Variants in PRPF4 observed in about 807,000 individuals in gnomAD.
PRPF4 encodes U4/U6 small nuclear ribonucleoprotein Prp4.
Under a neutral mutation model 72.2 loss-of-function variants are expected in PRPF4, and 14 were observed. That is an observed-to-expected ratio of 0.19 (90% confidence interval 0.13 to 0.30). PRPF4 has a LOEUF of 0.30. PRPF4 is among the 10% of genes least tolerant of loss of function. The pLI is 1.00. For synonymous variants in PRPF4, 225 were observed against 232.2 expected, an observed-to-expected ratio of 0.97 and a Z score of 0.28; for missense variants, 478 against 653.9, an observed-to-expected ratio of 0.73 and a Z score of 2.93.
chr9:113,283,540 T>C, intron 6 of PRPF4, 58 bp downstream of exon 6: 10 of 1,586,954 alleles, frequency 6.3e-6, no homozygotes, highest in Non-Finnish European at 8.6e-6. Context: ...TTATTTGATT[T>C]TTCTACTTTG....
At chr9:113,289,262 C>T (rs564567874) in intron 10 of PRPF4, among the ~76,000 whole-genome samples, 1 of 152,288 alleles carries the variant, frequency 6.6e-6, no homozygotes, top group African/African-American at 2.4e-5. Flanking sequence ...TGTTGATGGA[C>T]ACTTGGGCTG....
rs1246027005 is a variant in PRPF4, at chr9:113,286,747, C to G, written c.851C>G (p.Ser284Cys). Residue 284 changes from serine to cysteine, a missense_variant, in exon 9 of 14, where the codon TCC becomes TGC. Transcript: ENST00000374198. The stretch of plus-strand genomic sequence containing the variant: ...GGAGCAATTGTATTCCATCCCAAAT[C>G]CACTGTCTCCTTGGACCCAAAAGAT... ...NVGAIVFHPK[S>C]TVSLDPKDVN... 1 of 1,614,040 alleles carries G rather than the reference C, an allele frequency of 6.2e-7. No homozygotes were observed. Among genetic ancestry groups the G allele is most frequent in the Non-Finnish European group, 8.5e-7 (1 of 1,180,026 alleles).
At chr9:113,284,108 G>A (rs1302117210) in intron 6 of PRPF4, among the ~76,000 whole-genome samples, 187 bp from the exon 7 acceptor site, 1 of 151,184 alleles carries the variant, frequency 6.6e-6, no homozygotes, top group African/African-American at 2.4e-5. Flanking sequence ...ACAGCATGCT[G>A]GAGTTTCATA....
chr9:113,291,321 C>T, intron 13 of PRPF4, 146 bp from the exon 14 acceptor site: 2 of 800,930 alleles, frequency 2.5e-6, no homozygotes, highest in East Asian at 2.7e-5. Flanking sequence ...AGGGAATGAG[C>T]CAAAAGACCT....
intron 6 of PRPF4, 105 bp downstream of exon 6, chr9:113,283,587 T>A: frequency 1.8e-6 from 2 of 1,106,234 alleles, no homozygotes; most frequent in Non-Finnish European, 2.6e-6. Flanking sequence ...CTAGAGTGAT[T>A]CCTCCCTGCT....
chr9:113,275,720 G>C lies in PRPF4; in HGVS notation c.-24G>C. 1 of 1,608,368 alleles carries C rather than the reference G, an allele frequency of 6.2e-7. No homozygotes were observed. Among genetic ancestry groups the C allele is most frequent in the Non-Finnish European group, 8.5e-7 (1 of 1,177,292 alleles). On this transcript the variant is annotated 5_prime_UTR_variant, in exon 1 of 14. Transcript: ENST00000374198. ...AAAGGGAGTGTTCGGGTTTCGCTGG[G>C]GCCTCGCGGCTCCAGAGCCCAGCAT... is the stretch of plus-strand genomic sequence containing the variant.
chr9:113,288,891 C>T (rs1303635673), intron 10 of PRPF4, among the ~76,000 whole-genome samples: 1 of 152,130 alleles, frequency 6.6e-6, no homozygotes, highest in Non-Finnish European at 1.5e-5. Context: ...AGAACTTTTC[C>T]ATTAAGTTAT....
intron 9 of PRPF4, among the ~76,000 whole-genome samples, chr9:113,287,864 A>G (rs1368537577): frequency 6.6e-6 from 1 of 152,236 alleles, no homozygotes; most frequent in East Asian, 1.9e-4. Flanking sequence ...ATCTCTATTT[A>G]GGAGTTCCTT....
intron 1 of PRPF4, 133 bp from the exon 2 acceptor site, chr9:113,276,415 G>A: frequency 4.3e-6 from 4 of 937,742 alleles, no homozygotes; most frequent in Non-Finnish European, 6.7e-6. Flanking sequence ...AGCGTCTTAA[G>A]TAGTGTCCAA....
intron 3 of PRPF4, among the ~76,000 whole-genome samples, chr9:113,280,307 C>G (rs1224751372): frequency 6.6e-6 from 1 of 152,118 alleles, no homozygotes. Context: ...TACAGGCTGC[C>G]TTTTTCTCTA....
intron 9 of PRPF4, 47 bp downstream of exon 9, chr9:113,286,875 TG>T: frequency 6.2e-7 from 1 of 1,612,718 alleles, no homozygotes; most frequent in Non-Finnish European, 8.5e-7. Flanking sequence ...CTAAAGTAGA[TG>T]TTTGATTGGT....
Position 113,291,039 on chromosome 9 carries a change from G to T in PRPF4, c.1372+23G>T, listed in dbSNP as rs370494710. ...AGCGTAAGCTTTCCTCCTATTTTAC[G>T]TCTAAATGACACAGACAAACAGTAT... On this transcript the variant is annotated intron_variant, in intron 13 of 13. Coordinates refer to ENST00000374198, the MANE Select transcript of PRPF4 (RefSeq NM_001244926.2). The T allele has an allele frequency of 3.8e-6, 6 of 1,587,236 alleles. No individual in the cohort carries two copies. In the African/African-American group the frequency reaches 5.4e-5, roughly 14 times the overall value.
intron 3 of PRPF4, among the ~76,000 whole-genome samples, chr9:113,280,042 C>T (rs1323251947): frequency 6.6e-6 from 1 of 152,094 alleles, no homozygotes; most frequent in Non-Finnish European, 1.5e-5. Context: ...AGGTCCTTAC[C>T]CTTATTTACT....
intron 9 of PRPF4, among the ~76,000 whole-genome samples, 154 bp from the exon 10 acceptor site, chr9:113,288,021 G>C (rs1832499926): frequency 6.6e-6 from 1 of 152,224 alleles, no homozygotes; most frequent in Admixed American, 6.5e-5. Flanking sequence ...GGTGCAGAAT[G>C]ACTATTTTGC....
At chr9:113,290,632 C>T in intron 11 of PRPF4, 44 bp downstream of exon 11, 1 of 1,614,098 alleles carries the variant, frequency 6.2e-7, no homozygotes. Flanking sequence ...AGTACTCTCA[C>T]CTCTTACCTA....
In PRPF4 at chr9:113,286,227, GA is replaced by G. The variant is rs1483076463; in HGVS notation, c.750-4del. On this transcript the variant is annotated splice_region_variant and splice_polypyrimidine_tract_variant and intron_variant, in intron 7 of 13. Coordinates refer to ENST00000374198, the MANE Select transcript of PRPF4 (RefSeq NM_001244926.2). ...GGCTGAGATGCTTTCCTTTGTATTT[GA>G]TAGGAGTGGGCTTTGCAAGCTCTGG... is the stretch of plus-strand genomic sequence containing the variant. 2 of 1,613,978 alleles carry G rather than the reference GA, an allele frequency of 1.2e-6. No homozygotes were observed. Among genetic ancestry groups the G allele is most frequent in the Non-Finnish European group, 1.7e-6 (2 of 1,179,974 alleles).
chr9:113,291,412 C>A, intron 13 of PRPF4, 55 bp from the exon 14 acceptor site: 1 of 1,507,934 alleles, frequency 6.6e-7, no homozygotes, highest in South Asian at 1.2e-5. Flanking sequence ...GTGCTTTTGT[C>A]TTCTCTTTTG....
chr9:113,289,643 A>G (rs927708724), intron 10 of PRPF4, among the ~76,000 whole-genome samples: 1 of 152,124 alleles, frequency 6.6e-6, no homozygotes, highest in African/African-American at 2.4e-5. Flanking sequence ...TTCCATGTGC[A>G]TAGTCAGTTA....
chr9:113,284,825 G>A (rs1319194476), intron 7 of PRPF4, among the ~76,000 whole-genome samples: 1 of 152,222 alleles, frequency 6.6e-6, no homozygotes, highest in Non-Finnish European at 1.5e-5. Context: ...TGCCTGGTAT[G>A]TAGTAAGGAC....
Sources: gnomAD v4.1 joint callset for allele counts (sites outside exome capture counted in the v4.1 genomes callset) on GRCh38, gnomAD v4.1.1 for gene constraint, MANE v1.5 for transcripts, NCBI Gene and HGNC (gene_info 2026-07-23, HGNC 2026-07-21) for gene names.